Variants in SHPRH observed in about 807,000 individuals in gnomAD.
SHPRH encodes E3 ubiquitin-protein ligase SHPRH.
SHPRH carries 106 observed loss-of-function variants against 202.5 expected under a neutral mutation model. That is an observed-to-expected ratio of 0.52 (90% CI 0.45 to 0.62). The LOEUF is 0.62. Among genes scored for constraint, SHPRH ranks in the 20% least tolerant of loss-of-function variants. SHPRH has a pLI of 0.00. For missense variants in SHPRH, 1,710 were observed against 2,020.0 expected, an observed-to-expected ratio of 0.85 and a Z score of 2.94; for synonymous variants, 729 against 686.0, an observed-to-expected ratio of 1.06 and a Z score of -0.98.
At chr6:145,956,580 A>G (rs1189571494) in intron 1 of SHPRH, among the ~76,000 whole-genome samples, 3 of 152,152 alleles carry the variant, frequency 2.0e-5, no homozygotes, top group Non-Finnish European at 4.4e-5. Flanking sequence ...GAAATATGAC[A>G]TCAGATGGAA....
chr6:145,963,313 G>C (rs1188762581), intron 1 of SHPRH, among the ~76,000 whole-genome samples: 1 of 152,112 alleles, frequency 6.6e-6, no homozygotes, highest in Non-Finnish European at 1.5e-5. Flanking sequence ...TAAAGTAACA[G>C]TAATAACTTT....
chr6:145,924,878 T>C lies in SHPRH; in HGVS notation c.3295-32A>G, dbSNP rs759983331. On this transcript the variant is annotated intron_variant, in intron 16 of 29. Transcript: ENST00000275233. The stretch of plus-strand genomic sequence containing the variant: ...TGAAACAGAGAATATAAACTTTCAC[T>C]CCCAATCTAGAATATAATTCAGTAT... 3.9e-6 allele frequency: 6 copies of C among 1,533,246 alleles called. No homozygotes were observed. In the South Asian group the frequency reaches 6.8e-5, roughly 17 times the overall value. 95.0% of individuals were successfully genotyped at this position (1,533,246 alleles called of 1,614,324 possible).
At chr6:145,866,135 G>A (rs544333865) in intron 2 of SHPRH, among the ~76,000 whole-genome samples, 1 of 152,300 alleles carries the variant, frequency 6.6e-6, no homozygotes, top group Admixed American at 6.5e-5. Flanking sequence ...TCCCCAAGGG[G>A]GAAAAACAGT....
At chr6:145,891,905 AAC>A (rs1193351101) in intron 28 of SHPRH, among the ~76,000 whole-genome samples, 2 of 152,222 alleles carry the variant, frequency 1.3e-5, no homozygotes, top group African/African-American at 4.8e-5. Context: ...AATATTTAAA[AAC>A]ACAGAAGAAA....
At chr6:145,870,581 GATC>G (rs373292853) in intron 2 of SHPRH, among the ~76,000 whole-genome samples, 84 of 152,244 alleles carry the variant, frequency 5.5e-4, no homozygotes, top group South Asian at 2.9e-3. Context: ...CTACATACAT[GATC>G]ATGTCATCTG....
intron 14 of SHPRH, 22 bp from the exon 15 acceptor site, chr6:145,927,299 A>G: frequency 1.3e-6 from 2 of 1,599,692 alleles, no homozygotes; most frequent in Non-Finnish European, 1.7e-6. Context: ...AAATGTATTT[A>G]AAGCATACGA....
intron 1 of SHPRH, among the ~76,000 whole-genome samples, chr6:145,956,197 T>G (rs913730740): frequency 6.6e-6 from 1 of 152,026 alleles, no homozygotes; most frequent in African/African-American, 2.4e-5. Context: ...GAGTCAAACA[T>G]GCATAAAACT....
At chr6:145,961,689 C>T (rs568622244) in intron 1 of SHPRH, among the ~76,000 whole-genome samples, 1 of 151,828 alleles carries the variant, frequency 6.6e-6, no homozygotes, top group South Asian at 2.1e-4. Context: ...ATATTAGTGC[C>T]TCAAGGTACT....
At chr6:145,913,728 C>A (rs1319315835) in intron 23 of SHPRH, among the ~76,000 whole-genome samples, 179 bp from the exon 24 acceptor site, 1 of 152,056 alleles carries the variant, frequency 6.6e-6, no homozygotes, top group Non-Finnish European at 1.5e-5. Flanking sequence ...GACTTCCTTA[C>A]AAATATCATT....
At chr6:145,863,221 C>T (rs1779640443), downstream of SHPRH, among the ~76,000 whole-genome samples, 1 of 152,108 alleles carries the variant, frequency 6.6e-6, no homozygotes, top group Non-Finnish European at 1.5e-5. Flanking sequence ...TATGGAATTA[C>T]TAGTAAAGGA....
chr6:145,891,745 C>T (rs1040009822), intron 28 of SHPRH, among the ~76,000 whole-genome samples: 3 of 152,132 alleles, frequency 2.0e-5, no homozygotes, highest in African/African-American at 7.2e-5. Context: ...ACACTTAAGA[C>T]AGACTCCTCA....
chr6:145,933,583 C>T (rs780709276), intron 13 of SHPRH, among the ~76,000 whole-genome samples: 4 of 152,120 alleles, frequency 2.6e-5, no homozygotes, highest in Admixed American at 6.6e-5. Flanking sequence ...AAATGCCATT[C>T]CTTCAAAAGG....
the SHPRH span, among the ~76,000 whole-genome samples, chr6:145,858,126 A>T: frequency 7.9e-5 from 12 of 152,144 alleles, no homozygotes; most frequent in Non-Finnish European, 1.6e-4. Flanking sequence ...TGGAAATTTA[A>T]AACGGTATGG....
intron 20 of SHPRH, 125 bp from the exon 21 acceptor site, chr6:145,921,517 T>A: frequency 1.1e-6 from 1 of 897,448 alleles, no homozygotes; most frequent in Non-Finnish European, 1.6e-6. Flanking sequence ...TTGAAAAAGC[T>A]GAAAACATCA....
At chr6:145,946,151 T>C (rs1787348958) in intron 7 of SHPRH, 82 bp downstream of exon 7, 1 of 975,384 alleles carries the variant, frequency 1.0e-6, no homozygotes, top group Non-Finnish European at 1.5e-6. Context: ...TTATAACAAT[T>C]ACAAGATATC....
chr6:145,887,782 A>G (rs1781205989), intron 29 of SHPRH, among the ~76,000 whole-genome samples: 2 of 152,084 alleles, frequency 1.3e-5, no homozygotes, highest in South Asian at 4.1e-4. Flanking sequence ...AAGTGATCCA[A>G]TGTGGCAAAG....
downstream of SHPRH, chr6:145,884,167 TA>T: frequency 7.3e-6 from 1 of 137,060 alleles, no homozygotes; most frequent in East Asian, 2.1e-4. Context: ...TGTAAAGTAT[TA>T]GTAGTTGCAT....
At chr6:145,908,309 TTC>T (rs1783159745) in intron 25 of SHPRH, 1 of 152,164 alleles carries the variant, frequency 6.6e-6, no homozygotes, top group South Asian at 2.1e-4. Flanking sequence ...CCTATGGGAT[TTC>T]TGTTTCTAGA....
chr6:145,923,889 T>C (rs1784637603), intron 17 of SHPRH, 104 bp from the exon 18 acceptor site: 2 of 1,171,396 alleles, frequency 1.7e-6, no homozygotes, highest in Admixed American at 2.5e-5. Flanking sequence ...AAGTAATAAA[T>C]GCTATTCTCA....
Sources: gnomAD v4.1 joint callset for allele counts (sites outside exome capture counted in the v4.1 genomes callset) on GRCh38, gnomAD v4.1.1 for gene constraint, MANE v1.5 for transcripts, NCBI Gene and HGNC (gene_info 2026-07-23, HGNC 2026-07-21) for gene names.